Variants in PTPRK observed in about 807,000 individuals in gnomAD.
The protein encoded by PTPRK is receptor-type tyrosine-protein phosphatase kappa.
Under a neutral mutation model 178.0 loss-of-function variants are expected in PTPRK, and 75 were observed. That is an observed-to-expected ratio of 0.42 (90% CI 0.35 to 0.51). The LOEUF is 0.51. PTPRK is among the 20% of genes least tolerant of loss of function. PTPRK has a pLI of 0.02. For missense variants in PTPRK, 1,441 were observed against 1,797.8 expected (o/e 0.80, Z 3.59); for synonymous variants, 637 against 620.6 (o/e 1.03, Z -0.39).
At chr6:128,190,844 G>T (rs1803671399) in intron 6 of PTPRK, among the ~76,000 whole-genome samples, 1 of 152,102 alleles carries the variant, frequency 6.6e-6, no homozygotes, top group South Asian at 2.1e-4. Flanking sequence ...TCATAAGCTT[G>T]TACTGGTCAA....
chr6:128,338,596 T>C (rs1831249476), intron 2 of PTPRK, among the ~76,000 whole-genome samples: 1 of 152,184 alleles, frequency 6.6e-6, no homozygotes, highest in Non-Finnish European at 1.5e-5. Flanking sequence ...GGAGACCTAC[T>C]GCTGGGTGCA....
chr6:128,203,278 A>T (rs1274154362), intron 6 of PTPRK, among the ~76,000 whole-genome samples: 1 of 152,192 alleles, frequency 6.6e-6, no homozygotes, highest in Admixed American at 6.5e-5. Flanking sequence ...TCAAAACAGT[A>T]ACAGCCATAT....
chr6:128,045,233 G>T (rs1263034604), intron 13 of PTPRK, among the ~76,000 whole-genome samples: 2 of 151,876 alleles, frequency 1.3e-5, no homozygotes, highest in African/African-American at 4.8e-5. Flanking sequence ...ATTTTACCTA[G>T]ACTTTACTTT....
At chr6:128,103,172 T>A (rs1789079042) in intron 7 of PTPRK, among the ~76,000 whole-genome samples, 1 of 152,006 alleles carries the variant, frequency 6.6e-6, no homozygotes. Context: ...GGAGCTTGGC[T>A]GGGGAAGGCT....
chr6:128,039,328 T>A (rs1387693552), intron 13 of PTPRK, among the ~76,000 whole-genome samples: 1 of 152,140 alleles, frequency 6.6e-6, no homozygotes, highest in East Asian at 1.9e-4. Flanking sequence ...TATTTTAGGA[T>A]AACAATTTAA....
intron 7 of PTPRK, among the ~76,000 whole-genome samples, chr6:128,148,449 G>A (rs536495176): frequency 6.6e-6 from 1 of 152,116 alleles, no homozygotes; most frequent in Non-Finnish European, 1.5e-5. Context: ...CTCAAAGAAT[G>A]TCTACTACAG....
intron 1 of PTPRK, among the ~76,000 whole-genome samples, chr6:128,477,017 C>T (rs1047201684): frequency 1.3e-5 from 2 of 151,886 alleles, no homozygotes; most frequent in African/African-American, 4.8e-5. Flanking sequence ...AAAGTTAAAA[C>T]GTGATTTCCA....
At chr6:128,031,107 T>C (rs780104049) in intron 13 of PTPRK, among the ~76,000 whole-genome samples, 12 of 152,188 alleles carry the variant, frequency 7.9e-5, no homozygotes, top group African/African-American at 1.7e-4. Flanking sequence ...GGACCCAATA[T>C]ATGAAACACT....
chr6:128,042,857 G>A (rs1445108096), intron 13 of PTPRK, among the ~76,000 whole-genome samples: 1 of 151,898 alleles, frequency 6.6e-6, no homozygotes, highest in Non-Finnish European at 1.5e-5. Context: ...TTGATTGACA[G>A]CATTAAAATA....
Position 128,152,417 on chromosome 6 carries a change from C to T in PTPRK, c.1162+32015G>A, listed in dbSNP as rs543014771. On this transcript the variant is annotated intron_variant, in intron 7 of 29. Coordinates refer to ENST00000368226, the MANE Select transcript of PTPRK (RefSeq NM_002844.4). ...ATTTATTCAATGAAGTCTGACAAAACGAGGGATATCAGGGGAGAGGCACCC... is the reference window on the plus strand; with the variant it reads ...ATTTATTCAATGAAGTCTGACAAAATGAGGGATATCAGGGGAGAGGCACCC... Among the ~76,000 whole-genome samples the T allele has an allele frequency of 6.6e-5, 10 of 151,782 alleles. No homozygotes were observed. The South Asian group carries it at 1.5e-3, about 22-fold the overall frequency.
At chr6:128,286,242 T>C (rs566222747) in intron 3 of PTPRK, among the ~76,000 whole-genome samples, 8 of 152,318 alleles carry the variant, frequency 5.3e-5, no homozygotes, top group African/African-American at 1.7e-4. Flanking sequence ...TTGGGGTTCA[T>C]TGTGCTCTTC....
chr6:128,136,044 G>A (rs1177800358), intron 7 of PTPRK, among the ~76,000 whole-genome samples: 1 of 152,084 alleles, frequency 6.6e-6, no homozygotes, highest in Admixed American at 6.6e-5. Flanking sequence ...TTTTTAGGGT[G>A]GGGTCCTATT....
intron 1 of PTPRK, among the ~76,000 whole-genome samples, chr6:128,421,648 CT>C (rs1843496729): frequency 6.6e-6 from 1 of 152,164 alleles, no homozygotes; most frequent in African/African-American, 2.4e-5. Flanking sequence ...GAGAACACCT[CT>C]CCACTTCCCA....
intron 2 of PTPRK, among the ~76,000 whole-genome samples, chr6:128,357,721 A>C (rs1834146324): frequency 6.6e-6 from 1 of 152,246 alleles, no homozygotes; most frequent in Admixed American, 6.5e-5. Flanking sequence ...TTTCAAAATG[A>C]TAGAAATATG....
chr6:128,192,924 G>A (rs1583417067), intron 6 of PTPRK, among the ~76,000 whole-genome samples: 3 of 150,176 alleles, frequency 2.0e-5, no homozygotes, highest in African/African-American at 7.4e-5. Context: ...AAGGGAGAAA[G>A]GGAGAGGGGG....
At chr6:128,482,428 C>G (rs1345893593) in intron 1 of PTPRK, among the ~76,000 whole-genome samples, 2 of 151,958 alleles carry the variant, frequency 1.3e-5, no homozygotes, top group Admixed American at 1.3e-4. Flanking sequence ...GGTCATGAGA[C>G]ATGGGAGGAA....
At chr6:128,269,120 C>A (rs1210334421) in intron 3 of PTPRK, among the ~76,000 whole-genome samples, 1 of 151,852 alleles carries the variant, frequency 6.6e-6, no homozygotes, top group Admixed American at 6.6e-5. Flanking sequence ...ATCAAGAATA[C>A]CTAAGTACTT....
chr6:128,409,975 T>G (rs887812327), intron 1 of PTPRK, among the ~76,000 whole-genome samples: 1 of 152,180 alleles, frequency 6.6e-6, no homozygotes, highest in South Asian at 2.1e-4. Context: ...TTAAATGTAC[T>G]AAGAAAAATA....
intron 1 of PTPRK, among the ~76,000 whole-genome samples, chr6:128,398,785 C>A (rs1840667150): frequency 6.6e-6 from 1 of 152,182 alleles, no homozygotes; most frequent in African/African-American, 2.4e-5. Flanking sequence ...TAATCACTTT[C>A]ACCGTTCCCA....
Sources: gnomAD v4.1 joint callset for allele counts (sites outside exome capture counted in the v4.1 genomes callset) on GRCh38, gnomAD v4.1.1 for gene constraint, MANE v1.5 for transcripts, NCBI Gene and HGNC (gene_info 2026-07-23, HGNC 2026-07-21) for gene names.